Variants in ZNF529 observed in about 807,000 individuals in gnomAD.
ZNF529 encodes the protein zinc finger protein 529.
A neutral mutation model predicts 10.1 loss-of-function variants in ZNF529; 11 were observed. The ratio of observed to expected loss-of-function variants is 1.09; its 90% CI spans 0.69 to 1.81. ZNF529 has a LOEUF of 1.81. Ranked by LOEUF, ZNF529 falls within the 40% of genes most tolerant of loss-of-function variation. The pLI is 0.00. For synonymous variants in ZNF529, 204 were observed against 215.7 expected, an observed-to-expected ratio of 0.95 and a Z score of 0.47; for missense variants, 624 against 666.8, an observed-to-expected ratio of 0.94 and a Z score of 0.71.
upstream of ZNF529, among the ~76,000 whole-genome samples, chr19:36,573,990 AGT>A (rs35737463): frequency 0.039 from 5,901 of 152,214 alleles, 150 homozygotes; most frequent in Non-Finnish European, 0.057. Context: ...GCGGCGGTTC[AGT>A]GTGTGTGTGT....
intron 2 of ZNF529, among the ~76,000 whole-genome samples, chr19:36,585,236 C>T (rs573396880): frequency 1.3e-3 from 200 of 152,296 alleles, no homozygotes; most frequent in Admixed American, 4.4e-3. Context: ...CCTGCCCTCC[C>T]GTTACTACCA....
chr19:36,585,034 T>C (rs1003256054), intron 2 of ZNF529, among the ~76,000 whole-genome samples: 2 of 152,084 alleles, frequency 1.3e-5, no homozygotes, highest in Non-Finnish European at 2.9e-5. Context: ...AGATGGGTCA[T>C]TGAGCTAAGG....
At chr19:36,585,077 T>G (rs1429936547) in intron 2 of ZNF529, among the ~76,000 whole-genome samples, 1 of 152,098 alleles carries the variant, frequency 6.6e-6, no homozygotes, top group Non-Finnish European at 1.5e-5. Context: ...GAAGATGAAG[T>G]CTGACCAGAA....
Position 36,546,057 on chromosome 19 carries a change from G to GTATATATA in ZNF529, c.*808_*809insTATATATA, listed in dbSNP as rs1379704584. On this transcript the variant is annotated 3_prime_UTR_variant, in exon 5 of 5. Coordinates refer to ENST00000591340, the MANE Select transcript of ZNF529 (RefSeq NM_020951.5). ...ATATATACATATATTGTGTGTGTGT[G>GTATATATA]TGTGTATATATATATATATATATAG... The GTATATATA allele has an allele frequency of 3.3e-3, 262 of 79,302 alleles. 2 individuals carry two copies. Among genetic ancestry groups the GTATATATA allele is most frequent in the African/African-American group, 0.011 (254 of 23,792 alleles). 4.9% of individuals were successfully genotyped at this position (79,302 alleles called of 1,614,324 possible).
chr19:36,585,880 A>G (rs1568614196), intron 2 of ZNF529, among the ~76,000 whole-genome samples: 1 of 152,224 alleles, frequency 6.6e-6, no homozygotes, highest in Non-Finnish European at 1.5e-5. Flanking sequence ...CTGGCTCAGT[A>G]ACTATGGATC....
At chr19:36,562,217 GAA>G (rs954408151) in intron 2 of ZNF529, among the ~76,000 whole-genome samples, 5 of 147,686 alleles carry the variant, frequency 3.4e-5, no homozygotes, top group African/African-American at 1.2e-4. Context: ...CAGCCCAGGG[GAA>G]AAAAAAAAAG....
chr19:36,570,850 A>C (rs748745591), intron 2 of ZNF529, among the ~76,000 whole-genome samples: 56 of 152,330 alleles, frequency 3.7e-4, no homozygotes, highest in Non-Finnish European at 1.2e-4. Context: ...CTTGCAGATA[A>C]GGACTTAAAG....
intron 2 of ZNF529, among the ~76,000 whole-genome samples, chr19:36,560,370 G>A (rs867909369): frequency 9.9e-4 from 150 of 151,428 alleles, no homozygotes; most frequent in African/African-American, 3.4e-3. Context: ...TTTATGAAAC[G>A]TGTACTTATG....
At chr19:36,567,968 C>G (rs1401078655) in intron 2 of ZNF529, among the ~76,000 whole-genome samples, 1 of 152,094 alleles carries the variant, frequency 6.6e-6, no homozygotes, top group Non-Finnish European at 1.5e-5. Context: ...CTCAGCCCAA[C>G]AAAAAGACAA....
At position 36,547,628 on chromosome 19, in the gene ZNF529, G is replaced by T. The variant is rs2035087164; in HGVS notation, c.930C>A (p.Tyr310Ter). ...HQKIHTDEKT[Y>*]KCMECGKDFR... ...AGTCCTTGCCACATTCCATACATTT[G>T]TAAGTTTTCTCATCAGTATGGATTT... The change falls in exon 5 of 5, where the codon TAC becomes TAA. Residue 310 changes from tyrosine to a stop codon, truncating the protein, a stop_gained. Transcript: ENST00000591340. LOFTEE classifies it low-confidence loss of function (END_TRUNC). The T allele has an allele frequency of 6.2e-7, 1 of 1,613,680 alleles. No individual in the cohort carries two copies. The highest frequency in any genetic ancestry group is 8.5e-7 in the Non-Finnish European group (1 of 1,179,740).
chr19:36,579,462 A>G (rs2036415650), intron 2 of ZNF529, among the ~76,000 whole-genome samples: 1 of 152,248 alleles, frequency 6.6e-6, no homozygotes, highest in Admixed American at 6.5e-5. Flanking sequence ...GCATCATGCA[A>G]GCATCATAGA....
chr19:36,573,160 G>C lies in ZNF529; in HGVS notation c.-67C>G, dbSNP rs2036206280. The C allele has an allele frequency of 3.3e-6, 1 of 304,556 alleles. No individual in the cohort carries two copies. The highest frequency in any genetic ancestry group is 2.2e-5 in the African/African-American group (1 of 45,834). The allele number at this position is 304,556 out of a possible 1,614,324, so 18.9% of individuals were successfully genotyped here. A position where few individuals can be genotyped will look rare whatever the true frequency, so the allele number is the denominator to read the frequency against. On this transcript the variant is annotated 5_prime_UTR_variant, in exon 1 of 5. Transcript: ENST00000591340. ...CTAACCACCATCGTCCGCAGCTCCCGCGTACAGAGGCCTCAGGCTCCCGGC... is the reference window on the plus strand; with the variant it reads ...CTAACCACCATCGTCCGCAGCTCCCCCGTACAGAGGCCTCAGGCTCCCGGC...
At chr19:36,553,428 C>T (rs2035340028) in intron 4 of ZNF529, among the ~76,000 whole-genome samples, 1 of 152,090 alleles carries the variant, frequency 6.6e-6, no homozygotes, top group African/African-American at 2.4e-5. Flanking sequence ...GCATGAGCCA[C>T]CACGCCCAGC....
intron 2 of ZNF529, chr19:36,580,190 T>C (rs1002610950): frequency 2.6e-5 from 4 of 152,166 alleles, no homozygotes; most frequent in Admixed American, 1.3e-4. Context: ...CATGGAGCTG[T>C]CATCGCCTAT....
intron 2 of ZNF529, among the ~76,000 whole-genome samples, chr19:36,583,322 G>A (rs930727008): frequency 1.3e-5 from 2 of 152,070 alleles, no homozygotes; most frequent in Admixed American, 6.6e-5. Flanking sequence ...CTCCCAAAGT[G>A]CTGAGATTTC....
chr19:36,573,067 C>A (rs3096617), intron 1 of ZNF529, 73 bp downstream of exon 1: 1 of 181,286 alleles, frequency 5.5e-6, no homozygotes, highest in African/African-American at 2.4e-5. Context: ...TCAAACAGCA[C>A]CCACGGCACA....
intron 1 of ZNF529, among the ~76,000 whole-genome samples, chr19:36,591,724 C>CA (rs57735431): frequency 0.69 from 98,744 of 142,572 alleles, 33,966 homozygotes; most frequent in African/African-American, 0.78. Context: ...AACTCCATCT[C>CA]AAAAAAAAAA....
chr19:36,599,755 T>A (rs2145294060), intron 1 of ZNF529, among the ~76,000 whole-genome samples: 1 of 152,308 alleles, frequency 6.6e-6, no homozygotes, highest in South Asian at 2.1e-4. Flanking sequence ...GAGGGAAAGC[T>A]ATCTTTTACT....
intron 2 of ZNF529, chr19:36,580,365 A>G (rs1399677569): frequency 1.3e-5 from 2 of 152,154 alleles, no homozygotes; most frequent in Non-Finnish European, 2.9e-5. Flanking sequence ...ATTATCACCT[A>G]TTACGTACTA....
Sources: allele counts gnomAD v4.1 joint callset (sites outside exome capture counted in the v4.1 genomes callset), GRCh38; gene constraint gnomAD v4.1.1; transcripts MANE v1.5; gene names NCBI Gene and HGNC (gene_info 2026-07-23, HGNC 2026-07-21).